ABCB10: variants seen among roughly 807,000 people sequenced by gnomAD.
ABCB10 encodes ATP binding cassette subfamily B member 10, also known as ATP-binding cassette sub-family B member 10, mitochondrial.
A neutral mutation model predicts 65.4 loss-of-function variants in ABCB10; 54 were observed. The observed-to-expected ratio is 0.83, with a 90% CI of 0.66 to 1.04. The LOEUF is 1.04. Among genes scored for constraint, ABCB10 ranks in the 50% least tolerant of loss-of-function variants. The pLI is 0.00. For synonymous variants in ABCB10, 418 were observed against 406.5 expected, an observed-to-expected ratio of 1.03 and a Z score of -0.34; for missense variants, 846 against 976.6, an observed-to-expected ratio of 0.87 and a Z score of 1.78.
At chr1:229,535,912 G>C (rs1296780227) in intron 6 of ABCB10, among the ~76,000 whole-genome samples, 1 of 152,072 alleles carries the variant, frequency 6.6e-6, no homozygotes, top group Non-Finnish European at 1.5e-5. Context: ...TTTTAGTAGA[G>C]ACAGGGTTTT....
Position 229,556,595 on chromosome 1 carries a change from G to C in ABCB10, c.517+1541C>G, listed in dbSNP as rs151162017. Among the ~76,000 whole-genome samples the C allele has an allele frequency of 7.2e-5, 11 of 152,192 alleles. No individual in the cohort carries two copies. The East Asian group carries it at 1.9e-3, about 27-fold the overall frequency. On this transcript the variant is annotated intron_variant, in intron 1 of 12. Coordinates refer to ENST00000344517, the MANE Select transcript of ABCB10 (RefSeq NM_012089.3). ...AACATACTAGCATGGCAGGATATCTGGGGACAGAGTGAGGGGTCACAGGAA... is the reference window on the plus strand; with the variant it reads ...AACATACTAGCATGGCAGGATATCTCGGGACAGAGTGAGGGGTCACAGGAA...
At chr1:229,553,449 G>A (rs552570146) in intron 1 of ABCB10, among the ~76,000 whole-genome samples, 7 of 152,124 alleles carry the variant, frequency 4.6e-5, no homozygotes, top group African/African-American at 1.4e-4. Flanking sequence ...GCTACAGAGC[G>A]AAAGGAGCAG....
At chr1:229,529,939 G>A (rs1237396729) in intron 8 of ABCB10, among the ~76,000 whole-genome samples, 3 of 152,178 alleles carry the variant, frequency 2.0e-5, no homozygotes, top group South Asian at 2.1e-4. Flanking sequence ...TGGGAGATGA[G>A]GAGGTAGATC....
chr1:229,526,489 T>C (rs1042343008), intron 9 of ABCB10, among the ~76,000 whole-genome samples: 1 of 152,238 alleles, frequency 6.6e-6, no homozygotes, highest in Admixed American at 6.5e-5. Context: ...CAGAACCCTA[T>C]GGAGTAGTCC....
chr1:229,551,382 T>C (rs376493618), intron 1 of ABCB10, among the ~76,000 whole-genome samples: 9 of 152,348 alleles, frequency 5.9e-5, no homozygotes, highest in East Asian at 5.8e-4. Context: ...ATTTAGTTTC[T>C]CTCTCCATTA....
intron 3 of ABCB10, among the ~76,000 whole-genome samples, chr1:229,544,446 T>C (rs1449782829): frequency 7.4e-6 from 1 of 134,748 alleles, no homozygotes; most frequent in Non-Finnish European, 1.6e-5. Flanking sequence ...AAAAAAGGAA[T>C]AGCAGAAACA....
chr1:229,520,146 A>C (rs949044735), intron 11 of ABCB10, among the ~76,000 whole-genome samples: 2 of 152,016 alleles, frequency 1.3e-5, no homozygotes, highest in Admixed American at 1.3e-4. Flanking sequence ...TTTAAAAATA[A>C]AATTAAATTA....
intron 6 of ABCB10, among the ~76,000 whole-genome samples, chr1:229,538,516 T>C (rs574185685): frequency 8.7e-4 from 133 of 152,298 alleles, no homozygotes; most frequent in Non-Finnish European, 1.5e-3. Flanking sequence ...AGCTACATAC[T>C]GTCTGTGGGT....
At chr1:229,554,079 A>G (rs182822445) in intron 1 of ABCB10, among the ~76,000 whole-genome samples, 1 of 152,326 alleles carries the variant, frequency 6.6e-6, no homozygotes. Context: ...TGCTTTGCGG[A>G]GAAAGGTAAC....
chr1:229,542,307 G>A lies in ABCB10; in HGVS notation c.986C>T (p.Ala329Val). 1 of 1,614,104 alleles carries A rather than the reference G, an allele frequency of 6.2e-7. No individual in the cohort carries two copies. The highest frequency in any genetic ancestry group is 1.6e-4 in the Middle Eastern group (1 of 6,062). ...CCGTAGATATCGCCCATAAATTACA[G>A]CAATGATTGACACTGGAGGCACCAC... ...LSVVPPVSII[A>V]VIYGRYLRKL... Residue 329 changes from alanine (A) to valine (V), a missense_variant, in exon 4 of 13, where the codon GCT (alanine) becomes GTT (valine). Physicochemically the swap from Ala to Val is moderately conservative, Grantham distance 64 (BLOSUM62 0). Transcript: ENST00000344517.
intron 3 of ABCB10, among the ~76,000 whole-genome samples, chr1:229,546,229 A>G (rs1026687997): frequency 2.0e-5 from 3 of 151,632 alleles, no homozygotes; most frequent in African/African-American, 7.3e-5. Context: ...AATAATAAAT[A>G]TATTTTACCT....
At chr1:229,536,955 G>GA (rs1199381373) in intron 6 of ABCB10, among the ~76,000 whole-genome samples, 1,169 of 109,514 alleles carry the variant, frequency 0.011, 9 homozygotes, top group African/African-American at 0.032. Flanking sequence ...AAAAAGAAAA[G>GA]AAAAAAAAAA....
chr1:229,545,231 G>A lies in ABCB10; in HGVS notation c.921+2268C>T, dbSNP rs185550149. 1.4e-3 allele frequency among the ~76,000 whole-genome samples: 206 copies of A among 152,248 alleles called. 1 individual carries two copies. The highest frequency in any genetic ancestry group is 3.7e-4 in the Non-Finnish European group (25 of 68,010). ...CCAAAACTATTCATATTTGGAAAAC[G>A]GCATGTTAGTGCAGGAAGGGTCCTC... On this transcript the variant is annotated intron_variant, in intron 3 of 12. Transcript: ENST00000344517.
At chr1:229,557,443 A>T (rs1485154364) in intron 1 of ABCB10, among the ~76,000 whole-genome samples, 1 of 152,230 alleles carries the variant, frequency 6.6e-6, no homozygotes, top group Non-Finnish European at 1.5e-5. Context: ...AGAAATCGAA[A>T]AAATTTTAGA....
chr1:229,526,750 A>T (rs920332454), intron 9 of ABCB10, among the ~76,000 whole-genome samples: 1 of 152,228 alleles, frequency 6.6e-6, no homozygotes, highest in East Asian at 1.9e-4. Context: ...GTCTTGTGAA[A>T]ATGGCCTTAT....
Position 229,545,490 on chromosome 1 carries a change from G to A in ABCB10, c.921+2009C>T, listed in dbSNP as rs141078000. On this transcript the variant is annotated intron_variant, in intron 3 of 12. Transcript: ENST00000344517. ...TAGCCCTACTGGAAACTTGAAATGT[G>A]GCAGGTATGACTGAGACATTGACTT... is the stretch of plus-strand genomic sequence containing the variant. 3.1e-3 allele frequency among the ~76,000 whole-genome samples: 466 copies of A among 152,232 alleles called. 2 individuals carry two copies. The highest frequency in any genetic ancestry group is 0.011 in the African/African-American group (443 of 41,528).
At chr1:229,520,197 A>T (rs1195231752) in intron 11 of ABCB10, among the ~76,000 whole-genome samples, 1 of 152,100 alleles carries the variant, frequency 6.6e-6, no homozygotes, top group African/African-American at 2.4e-5. Context: ...GGTCCTGCTT[A>T]TAGTTAATTT....
intron 1 of ABCB10, among the ~76,000 whole-genome samples, chr1:229,557,899 G>T (rs568575207): frequency 1.3e-5 from 2 of 152,286 alleles, no homozygotes; most frequent in South Asian, 4.1e-4. Context: ...CATATATAAC[G>T]TGTGTCAACA....
rs1285061503 is a variant in ABCB10 at position 229,526,040 on chromosome 1, T to G, written c.1802A>C (p.Glu601Ala). Reference sequence around the variant, plus strand: ...CACTTCAGCCACTCTCTGGATTTCCTCAGCGGTCACAGAGGAAGGGTCATC... The same window carrying G: ...CACTTCAGCCACTCTCTGGATTTCCGCAGCGGTCACAGAGGAAGGGTCATC... Reference protein sequence around the residue: ...GADDPSSVTAEEIQRVAEVAN... With the variant: ...GADDPSSVTAAEIQRVAEVAN... Residue 601 changes from glutamate (E) to alanine (A), a missense_variant, in exon 10 of 13, where the codon GAG becomes GCG. Around this residue, in one of 2 missense-constraint regions of ABCB10, gnomAD observed 632 missense variants for 803.2 expected, o/e 0.79. Transcript: ENST00000344517. 6.2e-7 allele frequency: 1 copy of G among 1,614,270 alleles called. No individual in the cohort carries two copies. Among genetic ancestry groups the G allele is most frequent in the Non-Finnish European group, 8.5e-7 (1 of 1,180,044 alleles).
Sources: gnomAD v4.1 joint callset for allele counts (sites outside exome capture counted in the v4.1 genomes callset) on GRCh38, gnomAD v4.1.1 for gene constraint, gnomAD v4.1.1 regional missense constraint, MANE v1.5 for transcripts, NCBI Gene and HGNC (gene_info 2026-07-23, HGNC 2026-07-21) for gene names.